ACTR3C: variants seen among roughly 807,000 people sequenced by gnomAD.
ACTR3C encodes actin-related protein 3C.
A neutral mutation model predicts 26.3 loss-of-function variants in ACTR3C; 18 were observed. The observed-to-expected ratio is 0.68, with a 90% CI of 0.47 to 1.01. The LOEUF is 1.01. Among genes scored for constraint, ACTR3C ranks in the 50% least tolerant of loss-of-function variants. The pLI, the probability that ACTR3C is intolerant of heterozygous loss-of-function variation, is 0.00. For missense variants in ACTR3C, 184 were observed against 250.7 expected, an observed-to-expected ratio of 0.73 and a Z score of 1.80; for synonymous variants, 55 against 94.5, an observed-to-expected ratio of 0.58 and a Z score of 2.42.
At chr7:150,293,753 T>A (rs1302564623) in intron 2 of ACTR3C, among the ~76,000 whole-genome samples, 1 of 152,168 alleles carries the variant, frequency 6.6e-6, no homozygotes, top group Non-Finnish European at 1.5e-5. Flanking sequence ...CTGGGCAACA[T>A]GGTGAAACCC....
chr7:149,943,191 A>G, the ACTR3C span, among the ~76,000 whole-genome samples: 1 of 138,334 alleles, frequency 7.2e-6, no homozygotes, highest in Non-Finnish European at 1.5e-5. Context: ...GTAAAAGGAG[A>G]GTTGAGTAGT....
At chr7:150,158,846 GCACACACACAGGCATGCC>G in the ACTR3C span, among the ~76,000 whole-genome samples, 1 of 146,032 alleles carries the variant, frequency 6.8e-6, no homozygotes, top group Non-Finnish European at 1.5e-5. Flanking sequence ...GCACACACAG[GCACACACACAGGCATGCC>G]CACACACACA....
the ACTR3C span, among the ~76,000 whole-genome samples, chr7:150,182,687 C>T: frequency 6.6e-6 from 1 of 150,868 alleles, no homozygotes; most frequent in Non-Finnish European, 1.5e-5. Flanking sequence ...AAATGAAAGT[C>T]ATAAGCCATA....
chr7:149,979,903 C>A, the ACTR3C span, among the ~76,000 whole-genome samples: 2 of 146,852 alleles, frequency 1.4e-5, no homozygotes, highest in East Asian at 2.0e-4. Flanking sequence ...CTAGGGTCAG[C>A]ATTTTGGGGG....
At chr7:150,267,155 C>G (rs10259511) in intron 6 of ACTR3C, among the ~76,000 whole-genome samples, 36,052 of 151,810 alleles carry the variant, frequency 0.24, 7,087 homozygotes, top group African/African-American at 0.53. Flanking sequence ...CAGAAAGAAG[C>G]GTCAAATGAC....
chr7:149,945,879 C>G, the ACTR3C span, among the ~76,000 whole-genome samples: 1 of 152,190 alleles, frequency 6.6e-6, no homozygotes, highest in Non-Finnish European at 1.5e-5. Context: ...GTCTACAGAT[C>G]TGGACCCATT....
the ACTR3C span, among the ~76,000 whole-genome samples, chr7:149,922,995 T>TA: frequency 7.2e-6 from 1 of 139,504 alleles, no homozygotes; most frequent in African/African-American, 2.7e-5. Context: ...TTTTTTTTTT[T>TA]ACAAATCAGA....
the ACTR3C span, among the ~76,000 whole-genome samples, chr7:149,948,837 C>T: frequency 6.6e-6 from 1 of 151,928 alleles, no homozygotes; most frequent in Non-Finnish European, 1.5e-5. Context: ...TCCTAAAATT[C>T]ATGGAGTGCT....
the ACTR3C span, among the ~76,000 whole-genome samples, chr7:149,982,408 A>C: frequency 6.6e-6 from 1 of 152,054 alleles, no homozygotes; most frequent in African/African-American, 2.4e-5. Flanking sequence ...TAATTAAATA[A>C]AGGTTAGTTT....
At chr7:150,191,246 T>C in the ACTR3C span, among the ~76,000 whole-genome samples, 4,482 of 152,316 alleles carry the variant, frequency 0.029, 222 homozygotes, top group African/African-American at 0.1. Context: ...TGTCAGTATC[T>C]GTAAAAATCA....
chr7:150,149,774 G>A, the ACTR3C span, among the ~76,000 whole-genome samples: 14 of 152,064 alleles, frequency 9.2e-5, no homozygotes, highest in African/African-American at 3.4e-4. Context: ...TGCAGTTTGT[G>A]ATGTTTGTGT....
At chr7:149,939,454 C>A in the ACTR3C span, among the ~76,000 whole-genome samples, 2 of 152,084 alleles carry the variant, frequency 1.3e-5, no homozygotes, top group African/African-American at 4.8e-5. Context: ...TCAGTGTTAC[C>A]CACGTTGTGC....
chr7:150,288,648 G>C (rs1434819392), intron 4 of ACTR3C, among the ~76,000 whole-genome samples: 1 of 149,014 alleles, frequency 6.7e-6, no homozygotes, highest in Admixed American at 6.6e-5. Flanking sequence ...AAAGGAGAAG[G>C]TAACCCCTTA....
the ACTR3C span, chr7:150,001,310 C>T: frequency 6.6e-6 from 1 of 152,130 alleles, no homozygotes; most frequent in Admixed American, 6.6e-5. Flanking sequence ...CACAGAGGTT[C>T]CCTCTGCTTT....
At chr7:150,135,813 GAAAGAAAAGA>G in the ACTR3C span, among the ~76,000 whole-genome samples, 1 of 141,230 alleles carries the variant, frequency 7.1e-6, no homozygotes, top group Non-Finnish European at 1.6e-5. Flanking sequence ...AGAAAGGAAA[GAAAGAAAAGA>G]AAAGAAAAGA....
At chr7:150,023,239 CTCTA>C in the ACTR3C span, among the ~76,000 whole-genome samples, 1,337 of 64,190 alleles carry the variant, frequency 0.021, 29 homozygotes, top group African/African-American at 0.062. Context: ...CTATATATCT[CTCTA>C]TCTCTATATA....
chr7:150,074,583 A>T, the ACTR3C span, among the ~76,000 whole-genome samples: 1 of 149,154 alleles, frequency 6.7e-6, no homozygotes, highest in Non-Finnish European at 1.5e-5. Context: ...TTCACCATAC[A>T]TAAATTACAT....
chr7:150,198,438 G>A, the ACTR3C span, among the ~76,000 whole-genome samples: 2 of 143,866 alleles, frequency 1.4e-5, no homozygotes, highest in African/African-American at 5.4e-5. Flanking sequence ...TAGGAAGTGA[G>A]GAGCGTCTCT....
the ACTR3C span, among the ~76,000 whole-genome samples, chr7:150,172,105 G>A: frequency 5.3e-5 from 8 of 150,632 alleles, no homozygotes; most frequent in African/African-American, 1.3e-4. Flanking sequence ...CCACTGCACC[G>A]GCCAGATTCT....
Sources: allele counts gnomAD v4.1 joint callset (sites outside exome capture counted in the v4.1 genomes callset), GRCh38; gene constraint gnomAD v4.1.1; transcripts MANE v1.5; gene names NCBI Gene and HGNC (gene_info 2026-07-23, HGNC 2026-07-21).